The following CTH variants were observed in gnomAD, a reference collection of about 807,000 sequenced individuals.
The protein encoded by CTH is cystathionase (cystathionine gamma-lyase).
A neutral mutation model predicts 50.6 loss-of-function variants in CTH; 41 were observed. The observed-to-expected ratio is 0.81, with a 90% CI of 0.63 to 1.05. The LOEUF is 1.05. CTH is among the 50% of genes least tolerant of loss of function. The probability of loss-of-function intolerance (pLI) is 0.00; values close to 1 mark genes in which losing one functional copy is unlikely to be tolerated. For synonymous variants in CTH, 156 were observed against 168.9 expected, an observed-to-expected ratio of 0.92 and a Z score of 0.59; for missense variants, 470 against 492.6, an observed-to-expected ratio of 0.95 and a Z score of 0.43.
chr1:70,422,047 A>G (rs943935158), intron 4 of CTH, among the ~76,000 whole-genome samples: 4 of 152,256 alleles, frequency 2.6e-5, no homozygotes, highest in African/African-American at 9.6e-5. Context: ...TCCTGGATAC[A>G]TGGTAATTGT....
intron 1 of CTH, among the ~76,000 whole-genome samples, chr1:70,414,437 G>C (rs1052724351): frequency 6.6e-6 from 1 of 151,970 alleles, no homozygotes; most frequent in African/African-American, 2.4e-5. Context: ...GCTTGAACCC[G>C]GGAGGTGGAG....
In CTH at chr1:70,429,905, G is replaced by A. The variant is rs377526667; in HGVS notation, c.646+54G>A. On this transcript the variant is annotated intron_variant, in intron 6 of 11. Transcript: ENST00000370938. The stretch of plus-strand genomic sequence containing the variant: ...TCATGGATAGGTGAAAATTGCATAG[G>A]GCTTGGCTTTTGATCCCTTTTCTTT... 62 of 1,331,450 alleles carry A rather than the reference G, an allele frequency of 4.7e-5. No individual in the cohort carries two copies. In the African/African-American group the frequency reaches 7.8e-4, roughly 17 times the overall value. The allele number at this position is 1,331,450 out of a possible 1,614,324, so 82.5% of individuals were successfully genotyped here. A position where few individuals can be genotyped will look rare whatever the true frequency, so the allele number is the denominator to read the frequency against.
chr1:70,422,296 G>T (rs1201490325), intron 4 of CTH, among the ~76,000 whole-genome samples: 2 of 152,110 alleles, frequency 1.3e-5, no homozygotes, highest in African/African-American at 2.4e-5. Flanking sequence ...CCACCGGAAG[G>T]TGTTTTGTGT....
intron 3 of CTH, among the ~76,000 whole-genome samples, chr1:70,419,676 T>C (rs1183022837): frequency 6.6e-6 from 1 of 151,506 alleles, no homozygotes; most frequent in Non-Finnish European, 1.5e-5. Flanking sequence ...GTTGTGCACA[T>C]GTACCCTAAA....
At chr1:70,423,344 G>A (rs916296623) in intron 4 of CTH, among the ~76,000 whole-genome samples, 1 of 151,792 alleles carries the variant, frequency 6.6e-6, no homozygotes, top group African/African-American at 2.4e-5. Flanking sequence ...GGCTGAGGCA[G>A]GAGGATCACT....
chr1:70,414,980 A>G (rs1684059082), intron 1 of CTH, among the ~76,000 whole-genome samples: 1 of 152,040 alleles, frequency 6.6e-6, no homozygotes, highest in African/African-American at 2.4e-5. Flanking sequence ...AATTTTTAAA[A>G]AGTATTGTGT....
chr1:70,411,777 C>A, intron 1 of CTH, 194 bp downstream of exon 1: 1 of 789,934 alleles, frequency 1.3e-6, no homozygotes, highest in Non-Finnish European at 1.5e-6. Flanking sequence ...TTTTGATAAG[C>A]AGGACTGGAA....
At chr1:70,418,529 C>T (rs375446341) in intron 3 of CTH, among the ~76,000 whole-genome samples, 8 of 152,282 alleles carry the variant, frequency 5.3e-5, no homozygotes, top group African/African-American at 7.2e-5. Context: ...GAATTACGGG[C>T]GCGAGCCGCC....
Position 70,416,810 on chromosome 1 carries a change from C to T in CTH, c.250+773C>T, listed in dbSNP as rs577954529. On this transcript the variant is annotated intron_variant, in intron 2 of 11. Transcript: ENST00000370938. The stretch of plus-strand genomic sequence containing the variant: ...GATCTCCTGACCTCGTGATCTCCCG[C>T]CTTGGACTCCCAAAGTGCTGGGATT... 1.2e-4 allele frequency among the ~76,000 whole-genome samples: 18 copies of T among 152,138 alleles called. No individual in the cohort carries two copies. In the South Asian group the frequency reaches 3.5e-3, roughly 30 times the overall value.
chr1:70,414,186 G>C (rs1684037249), intron 1 of CTH, among the ~76,000 whole-genome samples: 1 of 151,730 alleles, frequency 6.6e-6, no homozygotes, highest in South Asian at 2.1e-4. Flanking sequence ...GGTGATGGTG[G>C]GGAGGGGTAA....
At chr1:70,424,159 C>A (rs1572260711) in intron 4 of CTH, 126 bp from the exon 5 acceptor site, 1 of 1,544,004 alleles carries the variant, frequency 6.5e-7, no homozygotes, top group Admixed American at 1.8e-5. Flanking sequence ...CAGATTTGAA[C>A]CTCCCAACAT....
At chr1:70,422,852 C>T (rs1276723723) in intron 4 of CTH, among the ~76,000 whole-genome samples, 1 of 152,004 alleles carries the variant, frequency 6.6e-6, no homozygotes, top group East Asian at 1.9e-4. Flanking sequence ...CCTTGTGATC[C>T]GCCTGCCTCA....
chr1:70,435,243 A>C, intron 10 of CTH, 66 bp downstream of exon 10: 4 of 1,401,154 alleles, frequency 2.9e-6, no homozygotes, highest in Non-Finnish European at 4.0e-6. Flanking sequence ...TGGGAAAGAA[A>C]TATGATAAGG....
At chr1:70,422,923 T>TTCC (rs1323179744) in intron 4 of CTH, among the ~76,000 whole-genome samples, 1 of 152,112 alleles carries the variant, frequency 6.6e-6, no homozygotes, top group African/African-American at 2.4e-5. Flanking sequence ...GTCTGAATCT[T>TTCC]TCTAAGGGAG....
intron 8 of CTH, 91 bp downstream of exon 8, chr1:70,432,326 T>C: frequency 2.1e-6 from 3 of 1,455,350 alleles, no homozygotes; most frequent in Non-Finnish European, 2.9e-6. Context: ...GTAAGTTAGG[T>C]GCTTTCACGT....
chr1:70,416,230 G>A (rs501939), intron 2 of CTH, among the ~76,000 whole-genome samples, 193 bp downstream of exon 2: 116,715 of 152,064 alleles, frequency 0.77, 44,911 homozygotes, highest in East Asian at 0.82. Context: ...GTAAAAATAC[G>A]TATGAATAGA....
At chr1:70,418,153 T>C in intron 3 of CTH, 121 bp downstream of exon 3, 1 of 1,236,022 alleles carries the variant, frequency 8.1e-7, no homozygotes, top group Non-Finnish European at 1.2e-6. Context: ...TTTACAGGTG[T>C]GACAGGTACC....
At chr1:70,420,910 T>A (rs181602557) in intron 3 of CTH, among the ~76,000 whole-genome samples, 2 of 152,266 alleles carry the variant, frequency 1.3e-5, no homozygotes, top group Admixed American at 1.3e-4. Flanking sequence ...AAGTCTAGTT[T>A]CTCATTAATG....
intron 8 of CTH, among the ~76,000 whole-genome samples, chr1:70,433,311 G>C (rs1684521048): frequency 6.6e-6 from 1 of 152,162 alleles, no homozygotes; most frequent in Non-Finnish European, 1.5e-5. Context: ...ATATATTTTG[G>C]ATGGAGGGAG....
Sources: gnomAD v4.1 joint callset for allele counts (sites outside exome capture counted in the v4.1 genomes callset) on GRCh38, gnomAD v4.1.1 for gene constraint, MANE v1.5 for transcripts, NCBI Gene and HGNC (gene_info 2026-07-23, HGNC 2026-07-21) for gene names.